OR1J2: variants seen among roughly 807,000 people sequenced by gnomAD.
OR1J2 encodes the protein olfactory receptor family 1 subfamily J member 2.
For missense variants in OR1J2, 304 were observed against 246.1 expected, an observed-to-expected ratio of 1.24 and a Z score of -1.57; for synonymous variants, 142 against 99.7, an observed-to-expected ratio of 1.42 and a Z score of -2.52.
At chr9:122,469,399 T>C in the OR1J2 span, among the ~76,000 whole-genome samples, 1 of 152,152 alleles carries the variant, frequency 6.6e-6, no homozygotes, top group African/African-American at 2.4e-5. Context: ...CATTTTCTCT[T>C]GCCACCACCA....
chr9:122,491,316 A>G, the OR1J2 span, among the ~76,000 whole-genome samples: 2 of 152,092 alleles, frequency 1.3e-5, no homozygotes, highest in African/African-American at 4.8e-5. Context: ...AGGTGGATAT[A>G]TTTTGGATAG....
At chr9:122,488,370 C>T in the OR1J2 span, among the ~76,000 whole-genome samples, 7 of 152,176 alleles carry the variant, frequency 4.6e-5, no homozygotes, top group Admixed American at 4.6e-4. Context: ...AACTCCTGAG[C>T]TCAGGTGATC....
chr9:122,489,597 A>G, the OR1J2 span, among the ~76,000 whole-genome samples: 31 of 152,286 alleles, frequency 2.0e-4, no homozygotes, highest in African/African-American at 7.2e-4. Flanking sequence ...TGTTTTTGCA[A>G]TTATCTATTG....
At chr9:122,550,737 A>G in the OR1J2 span, among the ~76,000 whole-genome samples, 1 of 152,152 alleles carries the variant, frequency 6.6e-6, no homozygotes, top group Non-Finnish European at 1.5e-5. Flanking sequence ...CTAGGCCTAG[A>G]AGGAATATAC....
chr9:122,567,297 T>G, the OR1J2 span: 1 of 366,628 alleles, frequency 2.7e-6, no homozygotes, highest in Admixed American at 4.1e-5. Flanking sequence ...AAGCAGTTTT[T>G]GGAAAATGAG....
At chr9:122,509,643 G>A (rs968704499), upstream of OR1J2, among the ~76,000 whole-genome samples, 1 of 152,186 alleles carries the variant, frequency 6.6e-6, no homozygotes, top group Non-Finnish European at 1.5e-5. Flanking sequence ...TTCCCACAAG[G>A]TTGGAACAGA....
At chr9:122,498,689 C>T in the OR1J2 span, among the ~76,000 whole-genome samples, 2 of 152,148 alleles carry the variant, frequency 1.3e-5, no homozygotes, top group African/African-American at 4.8e-5. Context: ...TTGGTGGTGT[C>T]ACTACATTCA....
At chr9:122,491,653 C>T in the OR1J2 span, among the ~76,000 whole-genome samples, 3 of 152,034 alleles carry the variant, frequency 2.0e-5, no homozygotes, top group Non-Finnish European at 4.4e-5. Context: ...ATGAGGATTT[C>T]GGTGACATGA....
the OR1J2 span, among the ~76,000 whole-genome samples, chr9:122,473,275 C>T: frequency 6.6e-6 from 1 of 152,156 alleles, no homozygotes; most frequent in Non-Finnish European, 1.5e-5. Flanking sequence ...ATCATGGGAC[C>T]ATCCTATAAG....
the OR1J2 span, among the ~76,000 whole-genome samples, chr9:122,537,271 T>C: frequency 6.6e-6 from 1 of 152,248 alleles, no homozygotes; most frequent in East Asian, 1.9e-4. Context: ...AATGTTCTGC[T>C]ATACAATGTC....
the OR1J2 span, among the ~76,000 whole-genome samples, chr9:122,569,188 T>G: frequency 2.0e-5 from 3 of 152,312 alleles, no homozygotes; most frequent in African/African-American, 7.2e-5. Flanking sequence ...GCTCATGACA[T>G]GCTATCATCA....
upstream of OR1J2, among the ~76,000 whole-genome samples, chr9:122,506,727 GACAC>G (rs766100763): frequency 5.3e-5 from 8 of 152,180 alleles, no homozygotes; most frequent in South Asian, 6.2e-4. Flanking sequence ...AATGTAAAAA[GACAC>G]ACACAGAGAG....
At chr9:122,569,250 TTC>T in the OR1J2 span, among the ~76,000 whole-genome samples, 2 of 152,230 alleles carry the variant, frequency 1.3e-5, no homozygotes, top group Non-Finnish European at 2.9e-5. Flanking sequence ...CCTTCTTTAA[TTC>T]TCTGTCCTAA....
chr9:122,504,905 G>A, the OR1J2 span, among the ~76,000 whole-genome samples: 10 of 152,164 alleles, frequency 6.6e-5, no homozygotes, highest in Non-Finnish European at 1.2e-4. Context: ...AGTGTCTGGC[G>A]TGTCCTTCCC....
chr9:122,527,125 TG>T, the OR1J2 span: 1 of 1,614,054 alleles, frequency 6.2e-7, no homozygotes, highest in Non-Finnish European at 8.5e-7. Flanking sequence ...AAAAAGTACA[TG>T]GGGGTGTGGA....
At chr9:122,502,859 T>A in the OR1J2 span, among the ~76,000 whole-genome samples, 1 of 152,068 alleles carries the variant, frequency 6.6e-6, no homozygotes, top group Non-Finnish European at 1.5e-5. Flanking sequence ...AAGACAGTGA[T>A]CAGGAAGTAT....
At chr9:122,539,637 G>A in the OR1J2 span, among the ~76,000 whole-genome samples, 2 of 152,018 alleles carry the variant, frequency 1.3e-5, no homozygotes, top group Non-Finnish European at 2.9e-5. Context: ...CCCAGTAATG[G>A]GATGGCTGGG....
the OR1J2 span, among the ~76,000 whole-genome samples, chr9:122,479,150 T>A: frequency 1.3e-5 from 2 of 152,230 alleles, no homozygotes; most frequent in African/African-American, 4.8e-5. Flanking sequence ...CATGTGACAA[T>A]GTCTCTTGGG....
At chr9:122,543,728 A>G in the OR1J2 span, among the ~76,000 whole-genome samples, 1 of 152,160 alleles carries the variant, frequency 6.6e-6, no homozygotes, top group Non-Finnish European at 1.5e-5. Context: ...CTAACTTCCT[A>G]CCCATAAGGT....
Sources: gnomAD v4.1 joint callset for allele counts (sites outside exome capture counted in the v4.1 genomes callset) on GRCh38, gnomAD v4.1.1 for gene constraint, MANE v1.5 for transcripts, NCBI Gene and HGNC (gene_info 2026-07-23, HGNC 2026-07-21) for gene names.